NEU3: variants seen among roughly 807,000 people sequenced by gnomAD.
The protein encoded by NEU3 is neuraminidase 3.
Under a neutral mutation model 11.4 loss-of-function variants are expected in NEU3, and 10 were observed. The observed-to-expected ratio is 0.88, with a 90% CI of 0.54 to 1.49. The LOEUF (loss-of-function observed/expected upper bound fraction) is 1.49. NEU3 is among the 40% of genes most tolerant of loss of function. NEU3 has a pLI of 0.00. For synonymous variants in NEU3, 212 were observed against 228.2 expected (o/e 0.93, Z 0.64); for missense variants, 529 against 581.8 (o/e 0.91, Z 0.93).
At position 75,005,489 on chromosome 11, in the gene NEU3, A is replaced by G; in HGVS notation, c.383A>G (p.Gln128Arg). 1.2e-6 allele frequency: 2 copies of G among 1,613,922 alleles called. No individual in the cohort carries two copies. The highest frequency in any genetic ancestry group is 1.7e-5 in the Admixed American group (1 of 60,004). The change falls in exon 3 of 3, where the codon CAG (glutamine) becomes CGG (arginine). Residue 128 changes from glutamine (Q) to arginine (R), a missense_variant. Coordinates refer to ENST00000294064, the MANE Select transcript of NEU3 (RefSeq NM_006656.6). ...RTMNPCPVWE[Q>R]KSGCVFLFFI... Reference sequence around the variant, plus strand: ...ATGAACCCCTGTCCTGTATGGGAGCAGAAGAGTGGTTGTGTGTTCCTGTTC... The same window carrying G: ...ATGAACCCCTGTCCTGTATGGGAGCGGAAGAGTGGTTGTGTGTTCCTGTTC...
At chr11:75,018,142 C>G (rs1425992740) in intron 3 of NEU3, among the ~76,000 whole-genome samples, 1 of 151,908 alleles carries the variant, frequency 6.6e-6, no homozygotes, top group African/African-American at 2.4e-5. Context: ...GCCTACTTTT[C>G]TTCCTCAGTA....
chr11:74,982,538 T>G, the NEU3 span, among the ~76,000 whole-genome samples: 1 of 152,124 alleles, frequency 6.6e-6, no homozygotes, highest in African/African-American at 2.4e-5. Context: ...ACTCTAGAAC[T>G]TCTGATCCCT....
rs776858446 is a variant in NEU3 at position 75,005,531 on chromosome 11, G to A, written c.425G>A (p.Gly142Asp). The change falls in exon 3 of 3, where the codon GGC becomes GAC. Residue 142 changes from glycine (G) to aspartate (D), a missense_variant. Coordinates refer to ENST00000294064, the MANE Select transcript of NEU3 (RefSeq NM_006656.6). The stretch of plus-strand genomic sequence containing the variant: ...TTCCTGTTCTTCATCTGTGTGCGGG[G>A]CCATGTCACAGAGCGTCAACAGATT... ...CVFLFFICVRGHVTERQQIVS... is the reference protein window; with the variant it reads ...CVFLFFICVRDHVTERQQIVS... 1.5e-5 allele frequency: 24 copies of A among 1,613,850 alleles called. No individual in the cohort carries two copies. Among genetic ancestry groups the A allele is most frequent in the Non-Finnish European group, 2.0e-5 (24 of 1,179,890 alleles).
chr11:75,011,646 C>T (rs1948956071), downstream of NEU3, among the ~76,000 whole-genome samples: 1 of 152,156 alleles, frequency 6.6e-6, no homozygotes, highest in South Asian at 2.1e-4. Flanking sequence ...CCAGTAGGGT[C>T]CTTCACTGTT....
chr11:74,993,185 T>C (rs1948750490), intron 1 of NEU3, among the ~76,000 whole-genome samples: 2 of 151,878 alleles, frequency 1.3e-5, no homozygotes, highest in Non-Finnish European at 2.9e-5. Flanking sequence ...AGTGGGTTTT[T>C]TGTTGTCGTT....
At chr11:74,987,647 A>G (rs1405082285), upstream of NEU3, among the ~76,000 whole-genome samples, 1 of 152,000 alleles carries the variant, frequency 6.6e-6, no homozygotes, top group East Asian at 1.9e-4. Context: ...CCCCGTCTCT[A>G]TAAAAAATAC....
Position 74,994,627 on chromosome 11 carries a change from C to G in NEU3, c.213C>G (p.Phe71Leu), listed in dbSNP as rs749259250. ...TCTACATACCCCCCACCCACACCTT[C>G]CTGGCCTTTGCAGAGAAGCGTTCTA... ...ALLYIPPTHT[F>L]LAFAEKRSTR... The change falls in exon 2 of 3, where the codon TTC (phenylalanine) becomes TTG (leucine). Residue 71 changes from phenylalanine (F) to leucine (L), a missense_variant. Physicochemically the swap from Phe to Leu is conservative, Grantham distance 22 (BLOSUM62 0). Transcript: ENST00000294064. The G allele has an allele frequency of 3.7e-5, 60 of 1,614,018 alleles. No individual in the cohort carries two copies. Among genetic ancestry groups the G allele is most frequent in the Non-Finnish European group, 4.7e-5 (56 of 1,179,884 alleles).
chr11:74,989,001 ATCC>A lies in NEU3; in HGVS notation c.-54_-52del, dbSNP rs1948698751. On this transcript the variant is annotated 5_prime_UTR_variant, in exon 1 of 3. Transcript: ENST00000294064. The stretch of plus-strand genomic sequence containing the variant: ...CCGTCTCAGTTGTTTCTCCCTCTCT[ATCC>A]TCCTCTGTCTCAGTCTCCCCAGCCT... The A allele has an allele frequency of 1.6e-5, 21 of 1,294,524 alleles. No individual in the cohort carries two copies. Among genetic ancestry groups the A allele is most frequent in the Non-Finnish European group, 2.2e-5 (20 of 919,722 alleles). 80.2% of individuals were successfully genotyped at this position (1,294,524 alleles called of 1,614,324 possible).
the NEU3 span, among the ~76,000 whole-genome samples, chr11:74,981,565 G>A: frequency 1.3e-5 from 2 of 151,962 alleles, no homozygotes; most frequent in Non-Finnish European, 2.9e-5. Context: ...TGTAGGCCAT[G>A]GGCAGCTGGT....
At chr11:74,984,508 T>C (rs1259755633), upstream of NEU3, among the ~76,000 whole-genome samples, 4 of 152,176 alleles carry the variant, frequency 2.6e-5, no homozygotes, top group Admixed American at 2.6e-4. Context: ...CAGGCTATCT[T>C]GTTAGCTTGC....
chr11:75,020,488 C>G (rs548248906), downstream of NEU3, among the ~76,000 whole-genome samples: 2 of 152,280 alleles, frequency 1.3e-5, no homozygotes, highest in Non-Finnish European at 2.9e-5. Flanking sequence ...CCATGCTGCT[C>G]TCATGATCGT....
downstream of NEU3, among the ~76,000 whole-genome samples, chr11:75,020,611 C>T (rs1213808692): frequency 6.6e-6 from 1 of 152,328 alleles, no homozygotes; most frequent in East Asian, 1.9e-4. Flanking sequence ...TTGTCTTCCA[C>T]CATTATTGTG....
upstream of NEU3, among the ~76,000 whole-genome samples, chr11:74,985,163 G>T (rs994511853): frequency 6.6e-6 from 1 of 152,162 alleles, no homozygotes; most frequent in African/African-American, 2.4e-5. Flanking sequence ...TGTGAACTTG[G>T]AGAAGTCTGA....
chr11:74,987,668 C>A (rs1948680061), upstream of NEU3, among the ~76,000 whole-genome samples: 1 of 151,912 alleles, frequency 6.6e-6, no homozygotes, highest in South Asian at 2.1e-4. Context: ...AAAAAATTAG[C>A]CGGGCGTGGT....
In NEU3 at chr11:75,007,414, T is replaced by C. The variant is rs1366375830; in HGVS notation, c.*922T>C. ...AAATAAATGTAGCTGGTGGGAGACT[T>C]TGTAGATGTTGGGCTATATGTTGGG... On this transcript the variant is annotated 3_prime_UTR_variant, in exon 3 of 3. Transcript: ENST00000294064. 1 of 152,176 alleles carries C rather than the reference T, an allele frequency of 6.6e-6. No homozygotes were observed. The highest frequency in any genetic ancestry group is 1.5e-5 in the Non-Finnish European group (1 of 68,038). 9.4% of individuals were successfully genotyped at this position (152,176 alleles called of 1,614,324 possible). A position where few individuals can be genotyped will look rare whatever the true frequency, so the allele number is the denominator to read the frequency against.
chr11:75,012,631 G>T (rs17133608), downstream of NEU3, among the ~76,000 whole-genome samples: 9,978 of 152,258 alleles, frequency 0.066, 387 homozygotes, highest in African/African-American at 0.089. Flanking sequence ...TCAGAAGACA[G>T]CTTTAGCGAC....
At chr11:74,995,239 A>G (rs1948777914) in intron 2 of NEU3, among the ~76,000 whole-genome samples, 1 of 152,256 alleles carries the variant, frequency 6.6e-6, no homozygotes, top group South Asian at 2.1e-4. Flanking sequence ...GGGGGATACC[A>G]GTAATAACCA....
In NEU3 at chr11:75,006,585, T is replaced by C; in HGVS notation, c.*93T>C. 7.1e-7 allele frequency: 1 copy of C among 1,414,976 alleles called. No homozygotes were observed. The allele number at this position is 1,414,976 out of a possible 1,614,324, so 87.7% of individuals were successfully genotyped here. A position where few individuals can be genotyped will look rare whatever the true frequency, so the allele number is the denominator to read the frequency against. On this transcript the variant is annotated 3_prime_UTR_variant, in exon 3 of 3. Transcript: ENST00000294064. ...GTCTACAGATAATCAAAAAACTTAA[T>C]ATTCTGTTCCCTACCTTTTTTCACT...
chr11:75,006,284 C>G lies in NEU3; in HGVS notation c.1178C>G (p.Pro393Arg). 6.2e-7 allele frequency: 1 copy of G among 1,614,002 alleles called. No individual in the cohort carries two copies. Among genetic ancestry groups the G allele is most frequent in the Non-Finnish European group, 8.5e-7 (1 of 1,179,892 alleles). The change falls in exon 3 of 3, where the codon CCC becomes CGC. Residue 393 changes from proline (P) to arginine (R), a missense_variant. Physicochemically the swap from Pro to Arg is moderately radical, Grantham distance 103. Transcript: ENST00000294064. ...TTGGAGGCTGCCTGCTGGTCCCGCC[C>G]CTGGATCTTGCACTGTGGGCCCTGT... is the stretch of plus-strand genomic sequence containing the variant. ...TPLEAACWSR[P>R]WILHCGPCGY...
Sources: gnomAD v4.1 joint callset for allele counts (sites outside exome capture counted in the v4.1 genomes callset) on GRCh38, gnomAD v4.1.1 for gene constraint, MANE v1.5 for transcripts, NCBI Gene and HGNC (gene_info 2026-07-23, HGNC 2026-07-21) for gene names.